Variants in CLEC6A observed in about 807,000 individuals in gnomAD.
CLEC6A encodes C-type lectin domain family 6 member A.
Under a neutral mutation model 25.7 loss-of-function variants are expected in CLEC6A, and 22 were observed. The observed-to-expected ratio is 0.85, with a 90% CI of 0.61 to 1.22. The LOEUF (loss-of-function observed/expected upper bound fraction) is 1.22. Ranked by LOEUF, CLEC6A falls within the 50% of genes most tolerant of loss-of-function variation. The probability of loss-of-function intolerance (pLI) is 0.00; values close to 1 mark genes in which losing one functional copy is unlikely to be tolerated. For synonymous variants in CLEC6A, 92 were observed against 76.7 expected, an observed-to-expected ratio of 1.20 and a Z score of -1.04; for missense variants, 240 against 236.8, an observed-to-expected ratio of 1.01 and a Z score of -0.09.
chr12:8,465,791 C>T (rs191634982), intron 4 of CLEC6A, among the ~76,000 whole-genome samples, 162 bp downstream of exon 4: 115 of 152,258 alleles, frequency 7.6e-4, no homozygotes, highest in African/African-American at 2.4e-3. Context: ...ACTGGAACTC[C>T]CCACCCATTG....
chr12:8,458,583 T>A (rs1939711037), intron 2 of CLEC6A, among the ~76,000 whole-genome samples: 1 of 152,166 alleles, frequency 6.6e-6, no homozygotes, highest in South Asian at 2.1e-4. Context: ...AAAATGGGTA[T>A]TGAATAGTCT....
At chr12:8,476,302 C>A in intron 5 of CLEC6A, 62 bp downstream of exon 5, 1 of 897,234 alleles carries the variant, frequency 1.1e-6, no homozygotes, top group Non-Finnish European at 1.8e-6. Flanking sequence ...TTAGGAGTTA[C>A]TAATAATGTT....
intron 4 of CLEC6A, among the ~76,000 whole-genome samples, chr12:8,465,898 A>C (rs1039456374): frequency 2.0e-5 from 3 of 152,208 alleles, no homozygotes; most frequent in African/African-American, 7.2e-5. Flanking sequence ...ACTTAATATA[A>C]GTGAAATTAT....
intron 5 of CLEC6A, 29 bp downstream of exon 5, chr12:8,476,269 A>C (rs1939973470): frequency 7.6e-7 from 1 of 1,318,882 alleles, no homozygotes; most frequent in Non-Finnish European, 1.1e-6. Flanking sequence ...CCTTGTTTAC[A>C]TAGAAAATCT....
At position 8,459,657 on chromosome 12, in the gene CLEC6A, A is replaced by C; in HGVS notation, c.182A>C (p.His61Pro). 6.2e-7 allele frequency: 1 copy of C among 1,613,726 alleles called. No individual in the cohort carries two copies. The highest frequency in any genetic ancestry group is 8.5e-7 in the Non-Finnish European group (1 of 1,179,620). The change falls in exon 3 of 6, where the codon CAT becomes CCT. Residue 61 changes from histidine (H) to proline (P), a missense_variant. Physicochemically the swap from His to Pro is moderately conservative, Grantham distance 77 (BLOSUM62 -2). Coordinates refer to ENST00000382073, the MANE Select transcript of CLEC6A (RefSeq NM_001007033.2). ...AGGCTGTCTGAACTACACTCATATC[A>C]TTCAAGTCTCACCTGCTTCAGTGAA... ...GKRLSELHSY[H>P]SSLTCFSEGT...
chr12:8,466,411 G>T (rs1176036944), intron 4 of CLEC6A, among the ~76,000 whole-genome samples: 1 of 152,196 alleles, frequency 6.6e-6, no homozygotes, highest in Non-Finnish European at 1.5e-5. Context: ...CCACAAGTGG[G>T]ATTGCTGGAT....
chr12:8,477,030 A>G (rs914916972), intron 5 of CLEC6A, among the ~76,000 whole-genome samples: 2 of 152,132 alleles, frequency 1.3e-5, no homozygotes, highest in African/African-American at 2.4e-5. Flanking sequence ...GAAGGAAATT[A>G]TTTAATAACC....
chr12:8,459,860 A>T (rs1293003432), intron 3 of CLEC6A, among the ~76,000 whole-genome samples, 162 bp downstream of exon 3: 1 of 152,192 alleles, frequency 6.6e-6, no homozygotes, highest in African/African-American at 2.4e-5. Flanking sequence ...TGTTCATATC[A>T]GGCTCTAGAC....
At position 8,456,032 on chromosome 12, in the gene CLEC6A, A is replaced by T; in HGVS notation, c.-80A>T. The T allele has an allele frequency of 7.2e-6, 10 of 1,387,918 alleles. No homozygotes were observed. The highest frequency in any genetic ancestry group is 1.0e-5 in the Non-Finnish European group (10 of 977,358). The allele number at this position is 1,387,918 out of a possible 1,614,324, so 86.0% of individuals were successfully genotyped here. Reference sequence around the variant, plus strand: ...CCCTGAGCTCTAGCTTCTTTAAATGAAGCTGAGTCTCTGGGCAACATCTTT... The same window carrying T: ...CCCTGAGCTCTAGCTTCTTTAAATGTAGCTGAGTCTCTGGGCAACATCTTT... On this transcript the variant is annotated 5_prime_UTR_variant, in exon 1 of 6. An upstream open reading frame in the 5' UTR gains an earlier in-frame stop. Coordinates refer to ENST00000382073, the MANE Select transcript of CLEC6A (RefSeq NM_001007033.2).
chr12:8,477,234 A>T, intron 5 of CLEC6A, 86 bp from the exon 6 acceptor site: 1 of 1,064,540 alleles, frequency 9.4e-7, no homozygotes, highest in East Asian at 2.6e-5. Flanking sequence ...CCTAAATCCC[A>T]CTTTGTTCAC....
rs59891632 is a variant in CLEC6A at position 8,475,344 on chromosome 12, ATGTG to A, written c.370-761_370-758del. 6.1e-4 allele frequency among the ~76,000 whole-genome samples: 91 copies of A among 148,506 alleles called. 1 individual carries two copies. Among genetic ancestry groups the A allele is most frequent in the South Asian group, 2.2e-3 (10 of 4,644 alleles). ...ACTCTCTCTATATATATATATATGT[ATGTG>A]TGTGTGTGTGTGTGTGTGTCTATAC... is the stretch of plus-strand genomic sequence containing the variant. On this transcript the variant is annotated intron_variant, in intron 4 of 5. Transcript: ENST00000382073.
intron 4 of CLEC6A, among the ~76,000 whole-genome samples, chr12:8,466,698 C>T (rs1294523302): frequency 5.3e-5 from 8 of 151,934 alleles, no homozygotes; most frequent in African/African-American, 1.9e-4. Flanking sequence ...CTCTGTTGCC[C>T]AGGCTGGAGT....
chr12:8,456,908 G>A (rs1939683505), intron 1 of CLEC6A, among the ~76,000 whole-genome samples: 1 of 152,088 alleles, frequency 6.6e-6, no homozygotes, highest in Admixed American at 6.5e-5. Flanking sequence ...TCAGGAGTTA[G>A]AGACCAGCCT....
intron 4 of CLEC6A, among the ~76,000 whole-genome samples, chr12:8,471,023 A>G (rs1281146271): frequency 1.3e-5 from 2 of 152,136 alleles, no homozygotes; most frequent in African/African-American, 4.8e-5. Flanking sequence ...GTATTTTGTC[A>G]AATGGGTTTT....
intron 3 of CLEC6A, among the ~76,000 whole-genome samples, chr12:8,463,553 T>C (rs4883154): frequency 0.78 from 118,133 of 152,116 alleles, 46,251 homozygotes; most frequent in East Asian, 0.99. Context: ...TATCTGCTTA[T>C]GACGATATAG....
intron 4 of CLEC6A, among the ~76,000 whole-genome samples, chr12:8,471,222 T>C (rs960500536): frequency 1.2e-4 from 18 of 152,200 alleles, no homozygotes; most frequent in Non-Finnish European, 1.9e-4. Context: ...TATATCAGTA[T>C]TCATCAGACA....
At chr12:8,470,291 T>G (rs751899935) in intron 4 of CLEC6A, among the ~76,000 whole-genome samples, 1 of 152,188 alleles carries the variant, frequency 6.6e-6, no homozygotes, top group African/African-American at 2.4e-5. Flanking sequence ...ATAATAGATG[T>G]TGGTGTAGAG....
At chr12:8,473,701 TGTAA>T (rs1939936239) in intron 4 of CLEC6A, among the ~76,000 whole-genome samples, 1 of 152,206 alleles carries the variant, frequency 6.6e-6, no homozygotes, top group Non-Finnish European at 1.5e-5. Context: ...CAGCAATGTA[TGTAA>T]GTGTTCCCTT....
At chr12:8,470,764 G>A (rs1939894870) in intron 4 of CLEC6A, among the ~76,000 whole-genome samples, 1 of 152,082 alleles carries the variant, frequency 6.6e-6, no homozygotes, top group Non-Finnish European at 1.5e-5. Flanking sequence ...TGAGAAATGG[G>A]TGAGGGATAA....
Sources: gnomAD v4.1 joint callset for allele counts (sites outside exome capture counted in the v4.1 genomes callset) on GRCh38, gnomAD v4.1.1 for gene constraint, MANE v1.5 for transcripts, NCBI Gene and HGNC (gene_info 2026-07-23, HGNC 2026-07-21) for gene names.